Variants in ITPR1 observed in about 807,000 individuals in gnomAD.
ITPR1 encodes inositol 1,4,5-trisphosphate-gated calcium channel ITPR1.
In ITPR1, 96 loss-of-function variants were observed where a neutral mutation model predicts 318.4. That is an observed-to-expected ratio of 0.30 (90% CI 0.26 to 0.36). The LOEUF (loss-of-function observed/expected upper bound fraction) is 0.36. Ranked by LOEUF, ITPR1 falls within the 10% of genes least tolerant of loss-of-function variation. The probability of loss-of-function intolerance (pLI) is 1.00; values close to 1 mark genes in which losing one functional copy is unlikely to be tolerated. For missense variants in ITPR1, 2,440 were observed against 3,460.2 expected (o/e 0.71, Z 7.40); for synonymous variants, 1,312 against 1,289.9 (o/e 1.02, Z -0.37).
At chr3:4,695,053 T>C (rs2094536541) in intron 33 of ITPR1, among the ~76,000 whole-genome samples, 1 of 152,250 alleles carries the variant, frequency 6.6e-6, no homozygotes, top group African/African-American at 2.4e-5. Context: ...TATCAATTCA[T>C]AAAAAGATGC....
At chr3:4,759,438 AG>A (rs1267283003) in intron 44 of ITPR1, among the ~76,000 whole-genome samples, 1 of 152,232 alleles carries the variant, frequency 6.6e-6, no homozygotes, top group Non-Finnish European at 1.5e-5. Flanking sequence ...AGTTTCAACC[AG>A]CCACACCCCA....
intron 17 of ITPR1, among the ~76,000 whole-genome samples, chr3:4,667,091 T>C (rs966344484): frequency 1.3e-5 from 2 of 152,168 alleles, no homozygotes; most frequent in Non-Finnish European, 2.9e-5. Context: ...GAAAAATAAA[T>C]CACTAGATTA....
At position 4,760,102 on chromosome 3, in the gene ITPR1, G is replaced by A. The variant is rs549595103; in HGVS notation, c.5545-6428G>A. On this transcript the variant is annotated intron_variant, in intron 44 of 61. Transcript: ENST00000649015. ...GGCTGGTTGTCTGTGTCGGTTCAAC[G>A]TGCAGATGGGAGGAGAGTTGGTTGT... Among the ~76,000 whole-genome samples, 518 of 152,384 alleles carry A rather than the reference G, an allele frequency of 3.4e-3. 1 individual carries two copies. Among genetic ancestry groups the A allele is most frequent in the Non-Finnish European group, 5.7e-3 (389 of 68,040 alleles).
intron 4 of ITPR1, among the ~76,000 whole-genome samples, chr3:4,574,917 G>A (rs573852671): frequency 1.3e-5 from 2 of 152,354 alleles, no homozygotes; most frequent in East Asian, 1.9e-4. Flanking sequence ...TCTATCAATT[G>A]CAAGAGATTC....
At chr3:4,784,529 T>G (rs1349139644) in intron 51 of ITPR1, among the ~76,000 whole-genome samples, 1 of 150,768 alleles carries the variant, frequency 6.6e-6, no homozygotes, top group African/African-American at 2.4e-5. Flanking sequence ...TGGAGAGTTT[T>G]CCCCAAGAGG....
intron 4 of ITPR1, among the ~76,000 whole-genome samples, chr3:4,527,836 T>C (rs1030255493): frequency 6.6e-6 from 1 of 152,200 alleles, no homozygotes; most frequent in African/African-American, 2.4e-5. Flanking sequence ...CCCAGAGTGC[T>C]GGCACCATGT....
At chr3:4,841,362 A>G (rs186986215) in intron 61 of ITPR1, among the ~76,000 whole-genome samples, 10 of 152,326 alleles carry the variant, frequency 6.6e-5, no homozygotes, top group Admixed American at 6.5e-4. Context: ...TGGCAGAGAA[A>G]TGCAGTAGGG....
At chr3:4,628,048 T>A (rs898561046) in intron 5 of ITPR1, among the ~76,000 whole-genome samples, 170 bp downstream of exon 5, 5 of 152,102 alleles carry the variant, frequency 3.3e-5, no homozygotes, top group Admixed American at 1.3e-4. Flanking sequence ...GAGGGATAGA[T>A]CCTAGTCATC....
chr3:4,805,245 C>T (rs1181528257), intron 54 of ITPR1, among the ~76,000 whole-genome samples: 1 of 152,212 alleles, frequency 6.6e-6, no homozygotes, highest in African/African-American at 2.4e-5. Flanking sequence ...TCTTTTGGCT[C>T]TGTGTCCCCA....
At position 4,784,984 on chromosome 3, in the gene ITPR1, C is replaced by T. The variant is rs3828438; in HGVS notation, c.6615+1064C>T. On this transcript the variant is annotated intron_variant, in intron 51 of 61. Coordinates refer to ENST00000649015, the MANE Select transcript of ITPR1 (RefSeq NM_001378452.1). ...GACTCCACCTAATCTAGGGAATGCT[C>T]AAATTACAGAAGCAGGTGCTGGGCA... Among the ~76,000 whole-genome samples the T allele has an allele frequency of 2.6e-5, 4 of 152,196 alleles. No individual in the cohort carries two copies. In the East Asian group the frequency reaches 5.8e-4, roughly 22 times the overall value.
intron 54 of ITPR1, 75 bp from the exon 55 acceptor site, chr3:4,806,028 T>G: frequency 1.4e-4 from 174 of 1,259,470 alleles, no homozygotes; most frequent in Non-Finnish European, 1.8e-4. Context: ...TACATTTGTG[T>G]GAGATGCTCT....
At chr3:4,795,289 A>T in intron 53 of ITPR1, 102 bp downstream of exon 53, 1 of 985,178 alleles carries the variant, frequency 1.0e-6, no homozygotes. Context: ...AGTACTGGGG[A>T]TCCCAGTTAT....
chr3:4,742,883 G>T (rs1289457450), intron 44 of ITPR1, among the ~76,000 whole-genome samples: 1 of 152,088 alleles, frequency 6.6e-6, no homozygotes, highest in Non-Finnish European at 1.5e-5. Context: ...AGCAGGCCTG[G>T]GGGACGCTCT....
chr3:4,845,061 CCAAT>C (rs1027677837), intron 61 of ITPR1, among the ~76,000 whole-genome samples: 8 of 152,192 alleles, frequency 5.3e-5, no homozygotes, highest in Non-Finnish European at 1.2e-4. Context: ...CAATTCTCCA[CCAAT>C]CAGCTAGGAA....
At chr3:4,506,853 G>A (rs1238099153) in intron 2 of ITPR1, among the ~76,000 whole-genome samples, 1 of 152,174 alleles carries the variant, frequency 6.6e-6, no homozygotes, top group African/African-American at 2.4e-5. Context: ...TTAAAGAAAA[G>A]TTTATGGCAG....
intron 40 of ITPR1, among the ~76,000 whole-genome samples, chr3:4,718,233 A>T (rs1171306286): frequency 6.6e-6 from 1 of 152,206 alleles, no homozygotes; most frequent in Non-Finnish European, 1.5e-5. Flanking sequence ...CATGTACATA[A>T]TTGAGAGGGT....
Position 4,670,852 on chromosome 3 carries a change from C to G in ITPR1, c.2130C>G (p.Ser710Arg). 2 of 1,610,880 alleles carry G rather than the reference C, an allele frequency of 1.2e-6. No homozygotes were observed. Among genetic ancestry groups the G allele is most frequent in the Non-Finnish European group, 1.7e-6 (2 of 1,178,566 alleles). The change falls in exon 20 of 62, where the codon AGC (serine) becomes AGG (arginine). Residue 710 changes from serine (S) to arginine (R), a missense_variant. By Grantham distance (110) the Ser-to-Arg change is moderately radical. Transcript: ENST00000649015. ...FWRDSNKEIR[S>R]KSVRELAQDA... ...GGGACAGCAACAAAGAGATTCGCAGCAAGAGTGTGAGGGAATTGGCTCAGG... is the reference window on the plus strand; with the variant it reads ...GGGACAGCAACAAAGAGATTCGCAGGAAGAGTGTGAGGGAATTGGCTCAGG...
intron 55 of ITPR1, among the ~76,000 whole-genome samples, chr3:4,810,198 A>G (rs1167280836): frequency 7.2e-5 from 11 of 152,212 alleles, no homozygotes; most frequent in Non-Finnish European, 5.9e-5. Flanking sequence ...GACTCACTTC[A>G]TGGTGCAGTC....
chr3:4,759,569 G>A (rs916444360), intron 44 of ITPR1, among the ~76,000 whole-genome samples: 3 of 152,190 alleles, frequency 2.0e-5, no homozygotes, highest in Non-Finnish European at 4.4e-5. Flanking sequence ...AAGGATGGAC[G>A]ACATGGGTGG....
Sources: allele counts gnomAD v4.1 joint callset (sites outside exome capture counted in the v4.1 genomes callset), GRCh38; gene constraint gnomAD v4.1.1; transcripts MANE v1.5; gene names NCBI Gene and HGNC (gene_info 2026-07-23, HGNC 2026-07-21).